The following PSMD11 variants were observed in gnomAD, a reference collection of about 807,000 sequenced individuals.
PSMD11 encodes 26S proteasome non-ATPase regulatory subunit 11.
PSMD11 carries 5 observed loss-of-function variants against 62.3 expected under a neutral mutation model. That is an observed-to-expected ratio of 0.08 (90% CI 0.04 to 0.17). PSMD11 has a LOEUF of 0.17. Ranked by LOEUF, PSMD11 falls within the 10% of genes least tolerant of loss-of-function variation. The probability of loss-of-function intolerance (pLI) is 1.00; values close to 1 mark genes in which losing one functional copy is unlikely to be tolerated. For synonymous variants in PSMD11, 191 were observed against 191.8 expected (o/e 1.00, Z 0.03); for missense variants, 310 against 512.9 (o/e 0.60, Z 3.82).
chr17:32,444,675 C>T (rs1017887476), intron 1 of PSMD11, 61 bp downstream of exon 1: 1 of 1,593,992 alleles, frequency 6.3e-7, no homozygotes, highest in Non-Finnish European at 8.6e-7. Flanking sequence ...TGTCGGTCGG[C>T]GGCAGCGGAG....
intron 6 of PSMD11, among the ~76,000 whole-genome samples, chr17:32,472,842 CTTT>C (rs74197607): frequency 6.4e-5 from 8 of 125,008 alleles, no homozygotes; most frequent in Non-Finnish European, 6.8e-5. Context: ...CGGCCTTTTT[CTTT>C]TTTTTTTTTT....
chr17:32,462,273 C>T (rs1019696598), intron 3 of PSMD11, among the ~76,000 whole-genome samples: 4 of 152,028 alleles, frequency 2.6e-5, no homozygotes, highest in African/African-American at 9.7e-5. Flanking sequence ...CACTTCTTAC[C>T]CTTTGAAGTC....
Position 32,460,698 on chromosome 17 carries a change from G to A in PSMD11, c.319-3351G>A, listed in dbSNP as rs149220624. Among the ~76,000 whole-genome samples, 664 of 151,814 alleles carry A rather than the reference G, an allele frequency of 4.4e-3. 7 individuals carry two copies. The highest frequency in any genetic ancestry group is 0.014 in the African/African-American group (564 of 41,428). On this transcript the variant is annotated intron_variant, in intron 3 of 13. Coordinates refer to ENST00000261712, the MANE Select transcript of PSMD11 (RefSeq NM_002815.4). The stretch of plus-strand genomic sequence containing the variant: ...TGAGGCAGGAGAATGGCGTGAACCC[G>A]GGAGGCGGAGCTTGCAGTGAGCGCC...
chr17:32,461,588 A>AAAAAAGGAAAAGGAAAAGAAAAAAAG (rs1907847983), intron 3 of PSMD11, among the ~76,000 whole-genome samples: 1 of 151,178 alleles, frequency 6.6e-6, no homozygotes, highest in Admixed American at 6.6e-5. Flanking sequence ...AAAGAAAAAA[A>AAAAAAGGAAAAGGAAAAGAAAAAAAG]AAAAGGAAAA....
In PSMD11 at chr17:32,480,657, G is replaced by A. The variant is rs750310465; in HGVS notation, c.*26G>A. 1.6e-5 allele frequency: 26 copies of A among 1,612,970 alleles called. No individual in the cohort carries two copies. The East Asian group carries it at 5.6e-4, about 35-fold the overall frequency. ...GTGAGTGCTGGCTTCAGGACCCCAG[G>A]GCTGGGCAGCTCTGTCTTCTGCGTG... On this transcript the variant is annotated intron_variant, in intron 13 of 13. Coordinates refer to ENST00000261712, the MANE Select transcript of PSMD11 (RefSeq NM_002815.4).
At chr17:32,461,373 G>C (rs1314668862) in intron 3 of PSMD11, among the ~76,000 whole-genome samples, 1 of 152,046 alleles carries the variant, frequency 6.6e-6, no homozygotes, top group Non-Finnish European at 1.5e-5. Context: ...CACTGTGCCC[G>C]ACCCACAATA....
chr17:32,452,518 G>C (rs1907536178), intron 2 of PSMD11, among the ~76,000 whole-genome samples: 1 of 152,192 alleles, frequency 6.6e-6, no homozygotes, highest in African/African-American at 2.4e-5. Flanking sequence ...AGATGACTCA[G>C]TACAGTTAGA....
In PSMD11 at chr17:32,482,245, T is replaced by TC. The variant is rs1463811804; in HGVS notation, c.*1497dup. On this transcript the variant is annotated 3_prime_UTR_variant, in exon 14 of 14. Transcript: ENST00000261712. ...ATCAGGTTTTTGTTCTCAACATCTT[T>TC]CCCCATCATGTCTAGTCACTGTTTT... is the stretch of plus-strand genomic sequence containing the variant. 1 of 152,200 alleles carries TC rather than the reference T, an allele frequency of 6.6e-6. No individual in the cohort carries two copies. The highest frequency in any genetic ancestry group is 2.4e-5 in the African/African-American group (1 of 41,450). The allele number at this position is 152,200 out of a possible 1,614,324, so 9.4% of individuals were successfully genotyped here. A position where few individuals can be genotyped will look rare whatever the true frequency, so the allele number is the denominator to read the frequency against.
chr17:32,450,488 G>A (rs1433804598), intron 2 of PSMD11, among the ~76,000 whole-genome samples: 3 of 149,752 alleles, frequency 2.0e-5, no homozygotes, highest in African/African-American at 7.4e-5. Flanking sequence ...GCTGGTCTTG[G>A]ACTCCTGACC....
Position 32,482,132 on chromosome 17 carries a change from T to A in PSMD11, c.*1380T>A, listed in dbSNP as rs73984544. 1 of 152,138 alleles carries A rather than the reference T, an allele frequency of 6.6e-6. No homozygotes were observed. Among genetic ancestry groups the A allele is most frequent in the African/African-American group, 2.4e-5 (1 of 41,436 alleles). 9.4% of individuals were successfully genotyped at this position (152,138 alleles called of 1,614,324 possible). A position where few individuals can be genotyped will look rare whatever the true frequency, so the allele number is the denominator to read the frequency against. The stretch of plus-strand genomic sequence containing the variant: ...CTTGGATTATCCTTCCAGGTTTTCA[T>A]AATAAATTTATATTTTGTAAAAGGA... On this transcript the variant is annotated 3_prime_UTR_variant, in exon 14 of 14. Coordinates refer to ENST00000261712, the MANE Select transcript of PSMD11 (RefSeq NM_002815.4).
At chr17:32,459,242 C>T (rs1205634192) in intron 3 of PSMD11, among the ~76,000 whole-genome samples, 1 of 150,758 alleles carries the variant, frequency 6.6e-6, no homozygotes, top group Non-Finnish European at 1.5e-5. Context: ...AATGTATGGA[C>T]TGTGCCTGTG....
At chr17:32,471,225 T>C (rs899258686) in intron 6 of PSMD11, among the ~76,000 whole-genome samples, 1 of 152,186 alleles carries the variant, frequency 6.6e-6, no homozygotes, top group South Asian at 2.1e-4. Context: ...AAAGAACTAA[T>C]TTTTATGTTA....
intron 1 of PSMD11, 50 bp downstream of exon 1, chr17:32,444,664 A>C (rs775400503): frequency 1.2e-6 from 2 of 1,601,894 alleles, no homozygotes; most frequent in Non-Finnish European, 1.7e-6. Flanking sequence ...AGCTCGGCTT[A>C]TGTCGGTCGG....
intron 2 of PSMD11, among the ~76,000 whole-genome samples, chr17:32,451,439 T>A (rs1022787450): frequency 6.6e-6 from 1 of 152,140 alleles, no homozygotes; most frequent in African/African-American, 2.4e-5. Context: ...ATCAAAAAAA[T>A]AGTTTTAGCA....
At chr17:32,444,651 C>T (rs1907269226) in intron 1 of PSMD11, 37 bp downstream of exon 1, 3 of 1,608,612 alleles carry the variant, frequency 1.9e-6, no homozygotes, top group African/African-American at 2.7e-5. Context: ...GCCCCGCCGG[C>T]CCAGCTCGGC....
Position 32,444,832 on chromosome 17 carries a change from G to A in PSMD11, c.91+218G>A, listed in dbSNP as rs2150826650. ...AGGCAATCCCCGGGTCCCCTCGCCG[G>A]CTGCTGACTCACGGGGGGCTCAGCG... On this transcript the variant is annotated intron_variant, in intron 1 of 13. Coordinates refer to ENST00000261712, the MANE Select transcript of PSMD11 (RefSeq NM_002815.4). 5.2e-6 allele frequency: 3 copies of A among 581,054 alleles called. No individual in the cohort carries two copies. In the East Asian group the frequency reaches 9.6e-5, roughly 19 times the overall value. 36.0% of individuals were successfully genotyped at this position (581,054 alleles called of 1,614,324 possible).
Position 32,473,963 on chromosome 17 carries a change from C to G in PSMD11, c.788+18C>G. 1 of 1,613,318 alleles carries G rather than the reference C, an allele frequency of 6.2e-7. No individual in the cohort carries two copies. Among genetic ancestry groups the G allele is most frequent in the East Asian group, 2.2e-5 (1 of 44,882 alleles). On this transcript the variant is annotated intron_variant, in intron 7 of 13. Coordinates refer to ENST00000261712, the MANE Select transcript of PSMD11 (RefSeq NM_002815.4). Reference sequence around the variant, plus strand: ...CTCAACACGTAGGTGCACCTTAACTCTGGACTACAAGAACTCAGATCCTTC... The same window carrying G: ...CTCAACACGTAGGTGCACCTTAACTGTGGACTACAAGAACTCAGATCCTTC...
chr17:32,464,197 C>G (rs2150834565), intron 4 of PSMD11, 77 bp downstream of exon 4: 1 of 1,335,680 alleles, frequency 7.5e-7, no homozygotes, highest in Admixed American at 1.7e-5. Context: ...CCATCCTTAT[C>G]AAAAGTATCT....
chr17:32,456,979 A>G (rs1256081504), intron 3 of PSMD11, among the ~76,000 whole-genome samples: 2 of 152,016 alleles, frequency 1.3e-5, no homozygotes, highest in Non-Finnish European at 2.9e-5. Context: ...CATTTATTTA[A>G]TGATCATTTC....
Sources: allele counts gnomAD v4.1 joint callset (sites outside exome capture counted in the v4.1 genomes callset), GRCh38; gene constraint gnomAD v4.1.1; transcripts MANE v1.5; gene names NCBI Gene and HGNC (gene_info 2026-07-23, HGNC 2026-07-21).